Variants in TTC28 observed in about 807,000 individuals in gnomAD.
TTC28 encodes tetratricopeptide repeat domain 28.
TTC28 carries 61 observed loss-of-function variants against 198.0 expected under a neutral mutation model. The observed-to-expected ratio is 0.31, with a 90% CI of 0.25 to 0.38. TTC28 has a LOEUF of 0.38. TTC28 is among the 10% of genes least tolerant of loss of function. The pLI, the probability that TTC28 is intolerant of heterozygous loss-of-function variation, is 1.00. For missense variants in TTC28, 2,678 were observed against 3,164.0 expected, an observed-to-expected ratio of 0.85 and a Z score of 3.69; for synonymous variants, 1,171 against 1,297.8, an observed-to-expected ratio of 0.90 and a Z score of 2.10.
chr22:28,029,070 CA>C, intron 13 of TTC28: 1 of 471,230 alleles, frequency 2.1e-6, no homozygotes, highest in South Asian at 1.5e-5. Flanking sequence ...AGAGCAAGAA[CA>C]TGTGTCCAGG....
At chr22:28,579,213 AT>A (rs1195716171) in intron 2 of TTC28, among the ~76,000 whole-genome samples, 1 of 150,666 alleles carries the variant, frequency 6.6e-6, no homozygotes, top group African/African-American at 2.4e-5. Context: ...ATACACATAC[AT>A]ACATACACAT....
chr22:28,557,023 G>C (rs2049797240), intron 2 of TTC28, among the ~76,000 whole-genome samples: 1 of 152,178 alleles, frequency 6.6e-6, no homozygotes, highest in African/African-American at 2.4e-5. Context: ...TACCCTATTA[G>C]TTATGAAATT....
chr22:28,036,353 G>T (rs545523176), intron 12 of TTC28, among the ~76,000 whole-genome samples: 1 of 152,198 alleles, frequency 6.6e-6, no homozygotes. Flanking sequence ...TAGAACTCAG[G>T]ATTAAGAAAC....
intron 12 of TTC28, among the ~76,000 whole-genome samples, chr22:28,041,798 C>T (rs1172971210): frequency 2.6e-5 from 4 of 151,468 alleles, no homozygotes; most frequent in African/African-American, 9.7e-5. Flanking sequence ...GAACAGGTAA[C>T]CTACAGAATG....
intron 6 of TTC28, among the ~76,000 whole-genome samples, chr22:28,159,562 G>A (rs1569168618): frequency 6.6e-6 from 1 of 151,828 alleles, no homozygotes; most frequent in Non-Finnish European, 1.5e-5. Flanking sequence ...GGGAGGCTAA[G>A]GCAGGAAAAT....
Position 27,981,957 on chromosome 22 carries a change from T to TAAAC in TTC28, c.*260_*263dup, listed in dbSNP as rs1175544394. ...AGATGAGAAGCAGGGAGTTCAAAGG[T>TAAAC]AAACAAACATTTGGTGAAGTGTGTA... On this transcript the variant is annotated 3_prime_UTR_variant, in exon 23 of 23. Transcript: ENST00000397906. The TAAAC allele has an allele frequency of 1.0e-5, 4 of 394,648 alleles. No individual in the cohort carries two copies. The highest frequency in any genetic ancestry group is 4.1e-5 in the Admixed American group (1 of 24,566). The allele number at this position is 394,648 out of a possible 1,614,324, so 24.4% of individuals were successfully genotyped here.
chr22:28,279,563 G>C (rs774363870), intron 5 of TTC28, among the ~76,000 whole-genome samples: 4 of 151,970 alleles, frequency 2.6e-5, no homozygotes, highest in Non-Finnish European at 5.9e-5. Context: ...GTAGAGACAG[G>C]GTTTCACCAT....
intron 2 of TTC28, among the ~76,000 whole-genome samples, chr22:28,317,005 C>A (rs141434022): frequency 3.9e-4 from 59 of 152,184 alleles, no homozygotes; most frequent in African/African-American, 1.3e-3. Context: ...AACTTCTGGG[C>A]TCAAGTGATC....
chr22:28,374,652 A>G (rs2046382774), intron 2 of TTC28, among the ~76,000 whole-genome samples: 1 of 152,108 alleles, frequency 6.6e-6, no homozygotes, highest in Non-Finnish European at 1.5e-5. Context: ...TTCAGACATC[A>G]AAGTGATATA....
chr22:28,018,298 T>TGTGTGTGTGTGTGTGTGTGTGA, intron 13 of TTC28, among the ~76,000 whole-genome samples: 1 of 38,662 alleles, frequency 2.6e-5, no homozygotes, highest in African/African-American at 1.1e-4. Context: ...CGCGCGTGTG[T>TGTGTGTGTGTGTGTGTGTGTGA]GCGCGCGCGG....
At chr22:28,286,990 G>A (rs773712451) in intron 5 of TTC28, among the ~76,000 whole-genome samples, 10 of 152,142 alleles carry the variant, frequency 6.6e-5, no homozygotes, top group Non-Finnish European at 5.9e-5. Context: ...CCAGCAAGAT[G>A]TTTTAGCAGA....
chr22:28,277,744 T>C (rs1052051566), intron 5 of TTC28, among the ~76,000 whole-genome samples: 1 of 152,172 alleles, frequency 6.6e-6, no homozygotes, highest in Admixed American at 6.5e-5. Flanking sequence ...TGAAAAATCA[T>C]CCATCCTCTT....
At chr22:28,243,099 A>G (rs1929779161) in intron 5 of TTC28, among the ~76,000 whole-genome samples, 2 of 142,964 alleles carry the variant, frequency 1.4e-5, no homozygotes, top group Non-Finnish European at 3.0e-5. Context: ...ACACTTTGGG[A>G]GGTCAAAGCA....
chr22:28,360,549 G>A (rs2046142444), intron 2 of TTC28, among the ~76,000 whole-genome samples: 1 of 152,122 alleles, frequency 6.6e-6, no homozygotes, highest in Admixed American at 6.5e-5. Flanking sequence ...TCAAAGCTGA[G>A]TACAACGGTA....
chr22:28,234,789 T>C (rs1929106961), intron 5 of TTC28, among the ~76,000 whole-genome samples: 1 of 152,284 alleles, frequency 6.6e-6, no homozygotes. Flanking sequence ...CTCAGAGGCA[T>C]ACTAGGTAAT....
intron 5 of TTC28, among the ~76,000 whole-genome samples, chr22:28,250,345 C>T (rs1930428289): frequency 6.6e-6 from 1 of 152,184 alleles, no homozygotes; most frequent in African/African-American, 2.4e-5. Context: ...TAAAACTCTA[C>T]ATCTCTCATA....
intron 12 of TTC28, among the ~76,000 whole-genome samples, chr22:28,066,485 T>C (rs1221968748): frequency 6.6e-6 from 1 of 152,142 alleles, no homozygotes; most frequent in Non-Finnish European, 1.5e-5. Context: ...CTACTACTCA[T>C]TTCCCCCACC....
At chr22:28,365,958 T>C (rs901131692) in intron 2 of TTC28, among the ~76,000 whole-genome samples, 2 of 152,158 alleles carry the variant, frequency 1.3e-5, no homozygotes, top group African/African-American at 4.8e-5. Context: ...CAACACAAAA[T>C]ATGGTACATG....
chr22:28,278,233 C>T (rs1333273930), intron 5 of TTC28, among the ~76,000 whole-genome samples: 2 of 152,016 alleles, frequency 1.3e-5, no homozygotes, highest in African/African-American at 4.8e-5. Flanking sequence ...TCCTGAAATC[C>T]AAATACCTGC....
Sources: gnomAD v4.1 joint callset for allele counts (sites outside exome capture counted in the v4.1 genomes callset) on GRCh38, gnomAD v4.1.1 for gene constraint, MANE v1.5 for transcripts, NCBI Gene and HGNC (gene_info 2026-07-23, HGNC 2026-07-21) for gene names.